Variants in ZMYND12 observed in about 807,000 individuals in gnomAD.
The protein encoded by ZMYND12 is zinc finger MYND-type containing 12, also known as zinc finger MYND domain-containing protein 12.
In ZMYND12, 32 loss-of-function variants were observed where a neutral mutation model predicts 41.7. The ratio of observed to expected loss-of-function variants is 0.77; its 90% CI spans 0.58 to 1.03. The LOEUF (loss-of-function observed/expected upper bound fraction) is 1.03, where lower values mean the gene tolerates loss of function less well. Ranked by LOEUF, ZMYND12 falls within the 50% of genes least tolerant of loss-of-function variation. The pLI, the probability that ZMYND12 is intolerant of heterozygous loss-of-function variation, is 0.00. For synonymous variants in ZMYND12, 148 were observed against 164.8 expected (o/e 0.90, Z 0.78); for missense variants, 424 against 438.5 (o/e 0.97, Z 0.30).
chr1:42,438,990 TAC>T (rs1642936024), intron 4 of ZMYND12, among the ~76,000 whole-genome samples: 2 of 152,234 alleles, frequency 1.3e-5, no homozygotes, highest in African/African-American at 4.8e-5. Context: ...TCTAACTTTG[TAC>T]AGAGTTTTAT....
chr1:42,448,887 C>T (rs1426236840), intron 2 of ZMYND12, among the ~76,000 whole-genome samples: 3 of 152,168 alleles, frequency 2.0e-5, no homozygotes, highest in Non-Finnish European at 4.4e-5. Flanking sequence ...TAGATGAATG[C>T]TCAATATAGA....
At chr1:42,445,167 T>G (rs1188993502) in intron 3 of ZMYND12, among the ~76,000 whole-genome samples, 1 of 148,224 alleles carries the variant, frequency 6.7e-6, no homozygotes, top group African/African-American at 2.5e-5. Flanking sequence ...GTGCGGTGGC[T>G]CACACCTGTA....
chr1:42,443,006 T>G (rs772003823), intron 3 of ZMYND12, among the ~76,000 whole-genome samples: 7 of 152,164 alleles, frequency 4.6e-5, no homozygotes, highest in Non-Finnish European at 1.0e-4. Context: ...AAATGACTCT[T>G]AACTAAGATT....
chr1:42,449,852 C>G, intron 2 of ZMYND12, 66 bp downstream of exon 2: 1 of 1,584,846 alleles, frequency 6.3e-7, no homozygotes, highest in Non-Finnish European at 8.5e-7. Flanking sequence ...CAACACAGTT[C>G]GAGCCTTGTC....
At chr1:42,446,996 T>G (rs1643030576) in intron 3 of ZMYND12, among the ~76,000 whole-genome samples, 1 of 152,198 alleles carries the variant, frequency 6.6e-6, no homozygotes, top group Admixed American at 6.5e-5. Context: ...AGTAATGGAT[T>G]TAAGCCCATT....
At chr1:42,445,521 C>T (rs1643015038) in intron 3 of ZMYND12, among the ~76,000 whole-genome samples, 1 of 150,978 alleles carries the variant, frequency 6.6e-6, no homozygotes, top group Non-Finnish European at 1.5e-5. Context: ...TGAGCTGAAA[C>T]CTGAAAGATG....
chr1:42,430,722 G>A lies in ZMYND12; in HGVS notation c.*14C>T, dbSNP rs1375784602. 1.2e-6 allele frequency: 2 copies of A among 1,613,416 alleles called. No homozygotes were observed. The highest frequency in any genetic ancestry group is 1.7e-6 in the Non-Finnish European group (2 of 1,179,426). On this transcript the variant is annotated 3_prime_UTR_variant, in exon 8 of 8. Coordinates refer to ENST00000372565, the MANE Select transcript of ZMYND12 (RefSeq NM_032257.5). ...AGCCCCTGGAATAACCCTTGATGCAGAGCTCATGGGTCACTAAGTAATGGG... is the reference window on the plus strand; with the variant it reads ...AGCCCCTGGAATAACCCTTGATGCAAAGCTCATGGGTCACTAAGTAATGGG...
rs151280425 is a variant in ZMYND12 at position 42,447,510 on chromosome 1, G to A, written c.424+957C>T. On this transcript the variant is annotated intron_variant, in intron 3 of 7. Coordinates refer to ENST00000372565, the MANE Select transcript of ZMYND12 (RefSeq NM_032257.5). Reference sequence around the variant, plus strand: ...TATAAAGATGTTATTGGGAAAATTCGAGAAACTTGAATGGGGTCTTCTTAG... The same window carrying A: ...TATAAAGATGTTATTGGGAAAATTCAAGAAACTTGAATGGGGTCTTCTTAG... 1.0e-3 allele frequency among the ~76,000 whole-genome samples: 157 copies of A among 152,278 alleles called. 1 individual carries two copies. The highest frequency in any genetic ancestry group is 3.6e-3 in the African/African-American group (151 of 41,550).
intron 1 of ZMYND12, among the ~76,000 whole-genome samples, chr1:42,451,577 A>G (rs572509623): frequency 6.6e-6 from 1 of 152,332 alleles, no homozygotes; most frequent in East Asian, 1.9e-4. Flanking sequence ...GCACAAAAGC[A>G]GCCACAGACA....
chr1:42,436,147 T>C (rs1404665019), intron 5 of ZMYND12, among the ~76,000 whole-genome samples: 4 of 152,154 alleles, frequency 2.6e-5, no homozygotes, highest in Non-Finnish European at 5.9e-5. Flanking sequence ...CATACAACAG[T>C]CTATCTGAAG....
intron 3 of ZMYND12, among the ~76,000 whole-genome samples, chr1:42,445,900 T>C (rs1643019515): frequency 6.6e-6 from 1 of 152,134 alleles, no homozygotes; most frequent in Non-Finnish European, 1.5e-5. Flanking sequence ...TAGGGTGACT[T>C]TTCCAGAATC....
rs979606201 is a variant in ZMYND12, at chr1:42,439,847, C to T, written c.594+9G>A. On this transcript the variant is annotated intron_variant, in intron 4 of 7. Coordinates refer to ENST00000372565, the MANE Select transcript of ZMYND12 (RefSeq NM_032257.5). ...GAAATATACAGGTGTTATAACTTAGCTTGTTTACATCATTGGCCAGATGAT... is the reference window on the plus strand; with the variant it reads ...GAAATATACAGGTGTTATAACTTAGTTTGTTTACATCATTGGCCAGATGAT... 4 of 1,599,764 alleles carry T rather than the reference C, an allele frequency of 2.5e-6. No homozygotes were observed. The highest frequency in any genetic ancestry group is 3.5e-5 in the Admixed American group (2 of 56,510).
chr1:42,450,331 CAT>C (rs1314556058), intron 1 of ZMYND12, among the ~76,000 whole-genome samples: 6 of 152,304 alleles, frequency 3.9e-5, no homozygotes, highest in Middle Eastern at 3.4e-3. Context: ...TGCAATTGCT[CAT>C]AGTGTTCTCT....
chr1:42,437,143 A>G (rs1337527319), intron 4 of ZMYND12, among the ~76,000 whole-genome samples: 1 of 152,246 alleles, frequency 6.6e-6, no homozygotes, highest in African/African-American at 2.4e-5. Flanking sequence ...ATGCAACAAC[A>G]TGGATGAATC....
rs748373827 is a variant in ZMYND12, at chr1:42,448,769, G to A, written c.253-131C>T. On this transcript the variant is annotated intron_variant, in intron 2 of 7. Transcript: ENST00000372565. ...GCACATAGTGAGCCTGCCTGTATTA[G>A]AGTGGACGTGAAGCCCCACATAAGT... 432 of 815,254 alleles carry A rather than the reference G, an allele frequency of 5.3e-4. 1 individual carries two copies. The highest frequency in any genetic ancestry group is 6.6e-4 in the Non-Finnish European group (366 of 550,582). The allele number at this position is 815,254 out of a possible 1,614,324, so 50.5% of individuals were successfully genotyped here.
chr1:42,442,508 C>T (rs1425842400), intron 3 of ZMYND12, among the ~76,000 whole-genome samples: 1 of 152,118 alleles, frequency 6.6e-6, no homozygotes, highest in Non-Finnish European at 1.5e-5. Context: ...TATACAGAGG[C>T]CTGCCTACCT....
chr1:42,455,627 T>C (rs1264200085), intron 1 of ZMYND12, among the ~76,000 whole-genome samples: 1 of 152,248 alleles, frequency 6.6e-6, no homozygotes, highest in Non-Finnish European at 1.5e-5. Context: ...TTGAAGGAAC[T>C]GATCTACCGA....
At chr1:42,455,051 T>A (rs1643139699) in intron 1 of ZMYND12, among the ~76,000 whole-genome samples, 1 of 152,250 alleles carries the variant, frequency 6.6e-6, no homozygotes, top group Non-Finnish European at 1.5e-5. Context: ...GACTTATTCA[T>A]AAACTGCTAA....
chr1:42,445,279 A>G (rs1643011247), intron 3 of ZMYND12, among the ~76,000 whole-genome samples: 1 of 151,700 alleles, frequency 6.6e-6, no homozygotes, highest in Non-Finnish European at 1.5e-5. Context: ...CTAAAACTAC[A>G]AAAAATAGCT....
Sources: gnomAD v4.1 joint callset for allele counts (sites outside exome capture counted in the v4.1 genomes callset) on GRCh38, gnomAD v4.1.1 for gene constraint, MANE v1.5 for transcripts, NCBI Gene and HGNC (gene_info 2026-07-23, HGNC 2026-07-21) for gene names.